The following NAV3 variants were observed in gnomAD, a reference collection of about 807,000 sequenced individuals.
The protein encoded by NAV3 is pore membrane and/or filament interacting like protein 1.
Under a neutral mutation model 244.7 loss-of-function variants are expected in NAV3, and 87 were observed. The observed-to-expected ratio is 0.36, with a 90% CI of 0.30 to 0.42. NAV3 has a LOEUF of 0.42. NAV3 is among the 20% of genes least tolerant of loss of function. The pLI is 1.00. For missense variants in NAV3, 2,663 were observed against 2,893.3 expected (o/e 0.92, Z 1.83); for synonymous variants, 1,126 against 1,042.2 (o/e 1.08, Z -1.55).
chr12:77,817,833 A>G (rs141183398), intron 2 of NAV3, among the ~76,000 whole-genome samples: 5 of 152,216 alleles, frequency 3.3e-5, no homozygotes, highest in African/African-American at 1.2e-4. Flanking sequence ...TTAATCCTCA[A>G]AGGTAAATTC....
At chr12:77,698,203 T>A (rs1373273073) in intron 2 of NAV3, among the ~76,000 whole-genome samples, 1 of 152,162 alleles carries the variant, frequency 6.6e-6, no homozygotes, top group Non-Finnish European at 1.5e-5. Flanking sequence ...TGTTACTCCA[T>A]CTCATCCTGT....
At position 78,017,407 on chromosome 12, in the gene NAV3, G is replaced by A. The variant is rs537562403; in HGVS notation, c.1908-4340G>A. Among the ~76,000 whole-genome samples, 6 of 152,136 alleles carry A rather than the reference G, an allele frequency of 3.9e-5. No individual in the cohort carries two copies. The South Asian group carries it at 8.3e-4, about 21-fold the overall frequency. On this transcript the variant is annotated intron_variant, in intron 8 of 39. Coordinates refer to ENST00000397909, the MANE Select transcript of NAV3 (RefSeq NM_001024383.2). ...ATGGTTGCTTTAGTGCGCTCCAGCC[G>A]GGGTGACAGAGTGAGACCCTATCTC...
At chr12:78,139,388 A>T (rs1956509571) in intron 19 of NAV3, among the ~76,000 whole-genome samples, 1 of 152,088 alleles carries the variant, frequency 6.6e-6, no homozygotes, top group Non-Finnish European at 1.5e-5. Context: ...CTCTATTGTA[A>T]ATATCTTTTA....
chr12:77,932,852 C>G (rs1196193587), intron 1 of NAV3, among the ~76,000 whole-genome samples: 1 of 152,176 alleles, frequency 6.6e-6, no homozygotes, highest in African/African-American at 2.4e-5. Context: ...GCCCCTTCCC[C>G]ATGTTCTGGC....
At chr12:77,821,346 A>G (rs1040861187) in intron 2 of NAV3, among the ~76,000 whole-genome samples, 3 of 152,186 alleles carry the variant, frequency 2.0e-5, no homozygotes, top group Non-Finnish European at 4.4e-5. Flanking sequence ...TTATAGTGTT[A>G]CCCTGTGTTA....
At chr12:77,658,800 C>T (rs1025651519) in intron 2 of NAV3, among the ~76,000 whole-genome samples, 338 of 151,372 alleles carry the variant, frequency 2.2e-3, no homozygotes, top group African/African-American at 7.3e-3. Context: ...TCAGAAATAA[C>T]GCCGCATATC....
At position 78,118,273 on chromosome 12, in the gene NAV3, G is replaced by A. The variant is rs2138576308; in HGVS notation, c.3016G>A (p.Gly1006Arg). The change falls in exon 14 of 40, where the codon GGA becomes AGA. Residue 1006 changes from glycine to arginine, a missense_variant. Transcript: ENST00000397909. The stretch of plus-strand genomic sequence containing the variant: ...AGGGGCGCCATCTAGGCAGAAAGCT[G>A]GAACAAGTGCACTCAAAACACCCGG... ...QGGAPSRQKA[G>R]TSALKTPGKT... 4 of 1,609,080 alleles carry A rather than the reference G, an allele frequency of 2.5e-6. No homozygotes were observed. The highest frequency in any genetic ancestry group is 3.4e-6 in the Non-Finnish European group (4 of 1,176,246).
chr12:77,689,574 C>G (rs765151102), intron 2 of NAV3, among the ~76,000 whole-genome samples: 18 of 151,802 alleles, frequency 1.2e-4, no homozygotes, highest in Admixed American at 2.0e-4. Flanking sequence ...ACCTTAGCAA[C>G]TGTTGCAGTG....
intron 5 of NAV3, among the ~76,000 whole-genome samples, chr12:77,969,478 TCTC>T (rs1892813580): frequency 6.6e-6 from 1 of 152,064 alleles, no homozygotes; most frequent in African/African-American, 2.4e-5. Context: ...AGGCTAGAAA[TCTC>T]ATCATGAGTT....
intron 2 of NAV3, among the ~76,000 whole-genome samples, chr12:77,696,964 G>A (rs1233431304): frequency 6.6e-6 from 1 of 152,096 alleles, no homozygotes; most frequent in Non-Finnish European, 1.5e-5. Flanking sequence ...CTTCATCTTT[G>A]GTGATATAGT....
chr12:77,968,488 ATTCT>A, intron 4 of NAV3, 27 bp from the exon 5 acceptor site: 1 of 1,545,384 alleles, frequency 6.5e-7, no homozygotes, highest in Non-Finnish European at 8.9e-7. Context: ...AATACATATG[ATTCT>A]TTTTTTGTAT....
In NAV3 at chr12:77,686,905, A is replaced by G. The variant is rs12314601; in HGVS notation, c.72+114639A>G. Among the ~76,000 whole-genome samples, 628 of 151,960 alleles carry G rather than the reference A, an allele frequency of 4.1e-3. 4 individuals are homozygous for G. The highest frequency in any genetic ancestry group is 0.014 in the African/African-American group (599 of 41,448). ...AATATGCAAACAGAGTTGTAGAAGA[A>G]TTTTTTAAAAAAACAAAACAAGCCT... On this transcript the variant is annotated intron_variant, in intron 2 of 8. Coordinates refer to the NAV3 transcript ENST00000550042.
chr12:77,755,477 C>T (rs1869090901), intron 2 of NAV3, among the ~76,000 whole-genome samples: 2 of 149,078 alleles, frequency 1.3e-5, no homozygotes, highest in Non-Finnish European at 3.0e-5. Flanking sequence ...CTTCCTTCCT[C>T]CCTTCCTCCC....
At chr12:77,572,112 A>G (rs988550107) in exon 2 of NAV3, 2 of 154,388 alleles carry the variant, frequency 1.3e-5, no homozygotes, top group Non-Finnish European at 2.9e-5. Flanking sequence ...GTGGCGGGCC[A>G]GTGTGTTCCT....
chr12:78,157,280 C>T (rs964430399), intron 22 of NAV3, among the ~76,000 whole-genome samples: 1 of 151,568 alleles, frequency 6.6e-6, no homozygotes, highest in African/African-American at 2.4e-5. Flanking sequence ...TGTGGTGGCT[C>T]ACACCTATAA....
chr12:77,873,550 T>G (rs1260290299), intron 1 of NAV3, among the ~76,000 whole-genome samples: 1 of 151,016 alleles, frequency 6.6e-6, no homozygotes, highest in South Asian at 2.1e-4. Flanking sequence ...TATATGTAAC[T>G]TTTTTTGCAG....
At chr12:77,993,128 A>T (rs569736269) in intron 5 of NAV3, among the ~76,000 whole-genome samples, 9 of 152,328 alleles carry the variant, frequency 5.9e-5, no homozygotes, top group African/African-American at 2.2e-4. Flanking sequence ...TTGTTTATCC[A>T]GTTCTGTGCT....
intron 5 of NAV3, among the ~76,000 whole-genome samples, chr12:77,982,720 C>A (rs1593190888): frequency 6.6e-6 from 1 of 152,126 alleles, no homozygotes; most frequent in South Asian, 2.1e-4. Flanking sequence ...AATGGCTTGT[C>A]CTTGTTCCAC....
chr12:78,082,517 G>T (rs1953411124), intron 12 of NAV3, among the ~76,000 whole-genome samples: 1 of 151,886 alleles, frequency 6.6e-6, no homozygotes, highest in Admixed American at 6.6e-5. Flanking sequence ...TTGGTATTTG[G>T]TTTTAAGCAC....
Sources: gnomAD v4.1 joint callset for allele counts (sites outside exome capture counted in the v4.1 genomes callset) on GRCh38, gnomAD v4.1.1 for gene constraint, MANE v1.5 for transcripts, NCBI Gene and HGNC (gene_info 2026-07-23, HGNC 2026-07-21) for gene names.